Variants in WWOX observed in about 807,000 individuals in gnomAD.
WWOX encodes the protein WW domain containing oxidoreductase, also known as WW domain-containing oxidoreductase.
Under a neutral mutation model 46.2 loss-of-function variants are expected in WWOX, and 69 were observed. The ratio of observed to expected loss-of-function variants is 1.49; its 90% confidence interval spans 1.23 to 1.82. WWOX has a LOEUF of 1.82. WWOX is among the 40% of genes most tolerant of loss of function. WWOX has a pLI of 0.00. For synonymous variants in WWOX, 359 were observed against 202.6 expected (o/e 1.77, Z -6.56); for missense variants, 919 against 542.6 (o/e 1.69, Z -6.89).
At chr16:78,196,754 C>T (rs1292385150) in intron 5 of WWOX, among the ~76,000 whole-genome samples, 1 of 152,168 alleles carries the variant, frequency 6.6e-6, no homozygotes, top group East Asian at 1.9e-4. Flanking sequence ...CCCTATTTTG[C>T]TTCTGCAATG....
At chr16:78,971,151 C>T (rs767837233) in intron 8 of WWOX, among the ~76,000 whole-genome samples, 12 of 151,958 alleles carry the variant, frequency 7.9e-5, no homozygotes, top group Non-Finnish European at 1.3e-4. Context: ...CCTGAGCAAT[C>T]GCTGTGGTCA....
intron 8 of WWOX, among the ~76,000 whole-genome samples, chr16:78,611,264 T>C (rs1284694818): frequency 6.6e-6 from 1 of 152,226 alleles, no homozygotes; most frequent in African/African-American, 2.4e-5. Flanking sequence ...CTCATATGTT[T>C]AGGCAAGCGT....
intron 8 of WWOX, among the ~76,000 whole-genome samples, chr16:78,702,692 C>A (rs1359309118): frequency 1.3e-5 from 2 of 150,362 alleles, no homozygotes; most frequent in African/African-American, 4.9e-5. Flanking sequence ...AATGATGTAA[C>A]TGGTAGGGAG....
chr16:79,154,815 A>C (rs980652608), intron 8 of WWOX, among the ~76,000 whole-genome samples: 1 of 152,222 alleles, frequency 6.6e-6, no homozygotes, highest in African/African-American at 2.4e-5. Flanking sequence ...AGCATGAACC[A>C]TGAAATTCCT....
rs141218878 is a variant in WWOX, at chr16:78,753,090, A to G, written c.1056+320338A>G. Among the ~76,000 whole-genome samples the G allele has an allele frequency of 7.6e-4, 116 of 152,078 alleles. 2 individuals carry two copies. In the East Asian group the frequency reaches 0.019, roughly 25 times the overall value. ...CGGGTGGATCACCTGAGGTCAGGAG[A>G]TGGAGACCATCCTGGCTAACATGGT... is the stretch of plus-strand genomic sequence containing the variant. On this transcript the variant is annotated intron_variant, in intron 8 of 8. Transcript: ENST00000566780.
At chr16:78,631,676 A>G (rs2046435706) in intron 8 of WWOX, among the ~76,000 whole-genome samples, 4 of 151,662 alleles carry the variant, frequency 2.6e-5, no homozygotes, top group Admixed American at 2.6e-4. Context: ...GTAGGGCTAC[A>G]CGTGTGTGCC....
intron 8 of WWOX, among the ~76,000 whole-genome samples, chr16:78,565,977 A>G (rs1223694092): frequency 6.9e-6 from 1 of 145,902 alleles, no homozygotes. Flanking sequence ...TGGCTTTAAC[A>G]TAATACCATA....
intron 8 of WWOX, among the ~76,000 whole-genome samples, chr16:78,666,411 A>G (rs567865146): frequency 1.3e-5 from 2 of 152,332 alleles, no homozygotes; most frequent in Admixed American, 6.5e-5. Context: ...ACACATCAGA[A>G]CAACCCAAGC....
intron 8 of WWOX, chr16:79,204,731 C>A (rs2051452143): frequency 6.6e-6 from 1 of 152,236 alleles, no homozygotes; most frequent in South Asian, 2.1e-4. Flanking sequence ...CTTGGCCTTC[C>A]CAGAACAAAC....
chr16:78,563,912 G>T, intron 8 of WWOX, among the ~76,000 whole-genome samples: 1 of 152,172 alleles, frequency 6.6e-6, no homozygotes, highest in Non-Finnish European at 1.5e-5. Context: ...AACTTGATTT[G>T]ACCAATGAGG....
intron 6 of WWOX, among the ~76,000 whole-genome samples, chr16:78,404,922 T>C (rs1029876362): frequency 6.6e-6 from 1 of 152,240 alleles, no homozygotes; most frequent in Non-Finnish European, 1.5e-5. Flanking sequence ...GCATGTCAGA[T>C]ATCATGCCCA....
intron 5 of WWOX, among the ~76,000 whole-genome samples, chr16:78,295,312 C>T (rs933010141): frequency 2.0e-5 from 3 of 152,072 alleles, no homozygotes; most frequent in African/African-American, 7.2e-5. Context: ...CAGCAGTTGG[C>T]GAGTTTAAGA....
intron 5 of WWOX, among the ~76,000 whole-genome samples, chr16:78,321,535 C>A (rs568718424): frequency 6.6e-6 from 1 of 151,626 alleles, no homozygotes; most frequent in Non-Finnish European, 1.5e-5. Context: ...GAATCCTTGT[C>A]TGATGTTTGT....
intron 8 of WWOX, among the ~76,000 whole-genome samples, chr16:78,953,614 C>T (rs1289300652): frequency 6.6e-6 from 1 of 152,180 alleles, no homozygotes. Context: ...CAATGCCCAG[C>T]TCAGCCCAGT....
chr16:78,851,752 C>T (rs1249375619), intron 8 of WWOX, among the ~76,000 whole-genome samples: 3 of 152,124 alleles, frequency 2.0e-5, no homozygotes, highest in Non-Finnish European at 4.4e-5. Flanking sequence ...AAATTTTGTG[C>T]CCAGTTTATA....
intron 8 of WWOX, among the ~76,000 whole-genome samples, chr16:79,149,494 A>G (rs1029662286): frequency 1.3e-5 from 2 of 152,206 alleles, no homozygotes; most frequent in Non-Finnish European, 1.5e-5. Flanking sequence ...TTTAGTGCCC[A>G]ACAAGGAAAG....
intron 8 of WWOX, among the ~76,000 whole-genome samples, chr16:79,092,913 T>C (rs1031755913): frequency 1.3e-5 from 2 of 152,334 alleles, no homozygotes; most frequent in African/African-American, 4.8e-5. Flanking sequence ...CCCATTTTCA[T>C]GGATGGACAT....
intron 8 of WWOX, among the ~76,000 whole-genome samples, chr16:78,924,903 A>G (rs2151274057): frequency 6.6e-6 from 1 of 152,300 alleles, no homozygotes; most frequent in South Asian, 2.1e-4. Context: ...CTTTTCAAAT[A>G]AACATACTTG....
chr16:78,195,147 T>C (rs555737222), intron 5 of WWOX, among the ~76,000 whole-genome samples: 5 of 152,184 alleles, frequency 3.3e-5, no homozygotes, highest in African/African-American at 1.2e-4. Context: ...CTGCTGGTAC[T>C]TCACCCTGGA....
Sources: allele counts gnomAD v4.1 joint callset (sites outside exome capture counted in the v4.1 genomes callset), GRCh38; gene constraint gnomAD v4.1.1; transcripts MANE v1.5; gene names NCBI Gene and HGNC (gene_info 2026-07-23, HGNC 2026-07-21).